Variants in NAALADL2 observed in about 807,000 individuals in gnomAD.
NAALADL2 encodes the protein N-acetylated alpha-linked acidic dipeptidase like 2.
A neutral mutation model predicts 87.2 loss-of-function variants in NAALADL2; 76 were observed. The ratio of observed to expected loss-of-function variants is 0.87; its 90% confidence interval spans 0.72 to 1.05. NAALADL2 has a LOEUF of 1.05. Among genes scored for constraint, NAALADL2 ranks in the 50% least tolerant of loss-of-function variants. NAALADL2 has a pLI of 0.00. For synonymous variants in NAALADL2, 354 were observed against 331.0 expected, an observed-to-expected ratio of 1.07 and a Z score of -0.75; for missense variants, 1,089 against 945.8, an observed-to-expected ratio of 1.15 and a Z score of -1.99.
intron 10 of NAALADL2, among the ~76,000 whole-genome samples, chr3:175,580,604 C>A (rs1719623202): frequency 6.6e-6 from 1 of 152,118 alleles, no homozygotes; most frequent in South Asian, 2.1e-4. Context: ...CTGATGAAAT[C>A]TGTTTCATGT....
chr3:174,791,753 A>G (rs181055800), intron 3 of NAALADL2, among the ~76,000 whole-genome samples: 2 of 152,310 alleles, frequency 1.3e-5, no homozygotes, highest in African/African-American at 4.8e-5. Flanking sequence ...CCTCATGTAT[A>G]TAATACATAT....
intron 1 of NAALADL2, among the ~76,000 whole-genome samples, chr3:174,891,793 A>G (rs374975443): frequency 1.1e-4 from 16 of 152,270 alleles, no homozygotes; most frequent in African/African-American, 3.9e-4. Flanking sequence ...GACCGGGGAA[A>G]TACATGACAT....
chr3:175,289,990 TTGTC>T (rs1353465772), intron 4 of NAALADL2, among the ~76,000 whole-genome samples: 1 of 152,146 alleles, frequency 6.6e-6, no homozygotes, highest in East Asian at 1.9e-4. Context: ...ATATTATTAA[TTGTC>T]AGGGAGATAG....
intron 9 of NAALADL2, among the ~76,000 whole-genome samples, chr3:175,568,803 G>A (rs1232927259): frequency 1.3e-5 from 2 of 152,116 alleles, no homozygotes; most frequent in East Asian, 3.8e-4. Context: ...GTAATATATA[G>A]GCTTTTTAAA....
intron 11 of NAALADL2, among the ~76,000 whole-genome samples, chr3:175,682,563 C>G (rs1735732658): frequency 6.6e-6 from 1 of 151,710 alleles, no homozygotes; most frequent in African/African-American, 2.4e-5. Context: ...AAACAAATAT[C>G]AGAAAAAGAG....
chr3:174,583,505 G>A (rs976861378), intron 2 of NAALADL2, among the ~76,000 whole-genome samples: 10 of 152,104 alleles, frequency 6.6e-5, no homozygotes, highest in African/African-American at 2.4e-4. Flanking sequence ...TATGAATATA[G>A]AACCTATCCA....
chr3:175,021,933 G>A (rs1259127909), intron 1 of NAALADL2, among the ~76,000 whole-genome samples: 1 of 151,974 alleles, frequency 6.6e-6, no homozygotes, highest in Non-Finnish European at 1.5e-5. Context: ...GGCCCGGTGG[G>A]AGGTGTTTAG....
chr3:174,581,447 A>G (rs1055663982), intron 2 of NAALADL2, among the ~76,000 whole-genome samples: 1 of 152,156 alleles, frequency 6.6e-6, no homozygotes, highest in African/African-American at 2.4e-5. Context: ...TAAAATGTCC[A>G]TGCGTTCAAG....
chr3:175,106,057 G>A (rs1723101616), intron 2 of NAALADL2, among the ~76,000 whole-genome samples: 2 of 152,142 alleles, frequency 1.3e-5, no homozygotes, highest in South Asian at 4.1e-4. Context: ...TAATGGTCAA[G>A]TTCAAAGGAT....
intron 6 of NAALADL2, chr3:175,459,905 C>CCT: frequency 3.3e-6 from 1 of 301,222 alleles, no homozygotes. Flanking sequence ...GTATATCTCT[C>CCT]TGTATTCTTT....
chr3:174,754,103 G>C (rs1241894841), intron 3 of NAALADL2, among the ~76,000 whole-genome samples: 14 of 152,148 alleles, frequency 9.2e-5, no homozygotes, highest in Admixed American at 9.2e-4. Flanking sequence ...CTTGAGCTAA[G>C]ACATTCAATT....
chr3:175,030,288 TATAGAC>T (rs1418270465), intron 1 of NAALADL2, among the ~76,000 whole-genome samples: 1 of 152,132 alleles, frequency 6.6e-6, no homozygotes. Flanking sequence ...AGTTTTCTGT[TATAGAC>T]ATTACTTCTG....
intron 2 of NAALADL2, among the ~76,000 whole-genome samples, chr3:175,231,224 CT>C (rs1744891159): frequency 6.6e-6 from 1 of 151,766 alleles, no homozygotes. Context: ...TGATGCTACC[CT>C]GGGGATCAAG....
At chr3:175,378,049 C>T (rs984540192) in intron 5 of NAALADL2, among the ~76,000 whole-genome samples, 3 of 152,204 alleles carry the variant, frequency 2.0e-5, no homozygotes, top group Non-Finnish European at 4.4e-5. Flanking sequence ...GCCCTCTGAG[C>T]TGTTAACACT....
chr3:174,647,211 T>C (rs1341699770), intron 2 of NAALADL2, among the ~76,000 whole-genome samples: 2 of 152,130 alleles, frequency 1.3e-5, no homozygotes, highest in Non-Finnish European at 2.9e-5. Flanking sequence ...GATTTATAGG[T>C]GGTGAAATTA....
At chr3:174,732,567 A>G (rs1732807556) in intron 2 of NAALADL2, among the ~76,000 whole-genome samples, 1 of 152,170 alleles carries the variant, frequency 6.6e-6, no homozygotes, top group African/African-American at 2.4e-5. Flanking sequence ...CTTGCCTTCA[A>G]GAGGCTCAGA....
chr3:174,531,707 T>A (rs1056574664), intron 1 of NAALADL2, among the ~76,000 whole-genome samples: 6 of 152,202 alleles, frequency 3.9e-5, no homozygotes, highest in African/African-American at 1.4e-4. Context: ...TTTGTAACAT[T>A]TGAAACATGG....
intron 5 of NAALADL2, among the ~76,000 whole-genome samples, chr3:175,344,879 TAAC>T (rs1178549601): frequency 6.6e-6 from 1 of 152,170 alleles, no homozygotes; most frequent in Non-Finnish European, 1.5e-5. Context: ...TACAACTTCA[TAAC>T]AATAAATGAT....
At chr3:175,133,528 C>A (rs541949100) in intron 2 of NAALADL2, among the ~76,000 whole-genome samples, 1 of 152,178 alleles carries the variant, frequency 6.6e-6, no homozygotes, top group Non-Finnish European at 1.5e-5. Flanking sequence ...GAGACCAGCC[C>A]GGTCAACACA....
Sources: allele counts gnomAD v4.1 joint callset (sites outside exome capture counted in the v4.1 genomes callset), GRCh38; gene constraint gnomAD v4.1.1; transcripts MANE v1.5; gene names NCBI Gene and HGNC (gene_info 2026-07-23, HGNC 2026-07-21).